The following LINGO2 variants were observed in gnomAD, a reference collection of about 807,000 sequenced individuals.
LINGO2 encodes the protein leucine rich repeat and Ig domain containing 2, also known as leucine-rich repeat and immunoglobulin-like domain-containing nogo receptor-interacting protein 2.
A neutral mutation model predicts 30.6 loss-of-function variants in LINGO2; 14 were observed. The observed-to-expected ratio is 0.46, with a 90% CI of 0.30 to 0.72. The LOEUF (loss-of-function observed/expected upper bound fraction) is 0.72. LINGO2 is among the 30% of genes least tolerant of loss of function. LINGO2 has a pLI of 0.07. For missense variants in LINGO2, 729 were observed against 751.7 expected (o/e 0.97, Z 0.35); for synonymous variants, 317 against 288.5 (o/e 1.10, Z -1.00).
the LINGO2 span, among the ~76,000 whole-genome samples, chr9:28,918,010 C>G: frequency 6.6e-6 from 1 of 151,992 alleles, no homozygotes; most frequent in African/African-American, 2.4e-5. Flanking sequence ...CTAACAGATC[C>G]CTAAGGTATA....
At chr9:28,746,772 T>C in the LINGO2 span, among the ~76,000 whole-genome samples, 1 of 152,094 alleles carries the variant, frequency 6.6e-6, no homozygotes, top group Non-Finnish European at 1.5e-5. Flanking sequence ...TGTGTGATTT[T>C]TATGACAGTG....
intron 2 of LINGO2, among the ~76,000 whole-genome samples, chr9:28,468,922 T>C (rs1471028300): frequency 6.6e-6 from 1 of 151,932 alleles, no homozygotes; most frequent in Non-Finnish European, 1.5e-5. Context: ...GGTAATACGG[T>C]CCATCAAAAG....
At chr9:28,595,584 T>C (rs1233564104) in intron 1 of LINGO2, among the ~76,000 whole-genome samples, 1 of 152,130 alleles carries the variant, frequency 6.6e-6, no homozygotes, top group African/African-American at 2.4e-5. Flanking sequence ...ATTATACCAA[T>C]AGTGAGTGTA....
At chr9:28,151,173 A>G (rs997545635) in intron 4 of LINGO2, among the ~76,000 whole-genome samples, 2 of 152,202 alleles carry the variant, frequency 1.3e-5, no homozygotes, top group African/African-American at 2.4e-5. Flanking sequence ...TGCAATAATA[A>G]CATATTATGA....
intron 3 of LINGO2, among the ~76,000 whole-genome samples, chr9:28,298,071 T>C (rs887977978): frequency 6.6e-6 from 1 of 152,176 alleles, no homozygotes; most frequent in Non-Finnish European, 1.5e-5. Flanking sequence ...TTCCATGACA[T>C]TGGTTTGAAA....
the LINGO2 span, among the ~76,000 whole-genome samples, chr9:29,056,917 T>G: frequency 6.6e-6 from 1 of 152,166 alleles, no homozygotes; most frequent in African/African-American, 2.4e-5. Context: ...GCTTTATTTC[T>G]GGGTTCTCTA....
At chr9:28,198,688 G>T (rs896247724) in intron 4 of LINGO2, among the ~76,000 whole-genome samples, 4 of 151,822 alleles carry the variant, frequency 2.6e-5, no homozygotes, top group East Asian at 1.9e-4. Context: ...TCTCATTTTT[G>T]AAGAAAACAG....
the LINGO2 span, among the ~76,000 whole-genome samples, chr9:28,949,539 AC>A: frequency 6.6e-6 from 1 of 152,032 alleles, no homozygotes; most frequent in Non-Finnish European, 1.5e-5. Flanking sequence ...GAACACATAC[AC>A]CCTCCCAAGA....
At chr9:28,762,730 G>A in the LINGO2 span, among the ~76,000 whole-genome samples, 3 of 151,922 alleles carry the variant, frequency 2.0e-5, no homozygotes, top group Non-Finnish European at 4.4e-5. Flanking sequence ...ACTTCAGATG[G>A]TTCTTTAGGA....
At chr9:28,104,232 G>A (rs1232944962) in intron 4 of LINGO2, among the ~76,000 whole-genome samples, 1 of 135,870 alleles carries the variant, frequency 7.4e-6, no homozygotes, top group African/African-American at 2.6e-5. Flanking sequence ...TAAGGAGTAG[G>A]GATTTGCTTT....
At chr9:29,119,075 T>G in the LINGO2 span, among the ~76,000 whole-genome samples, 1 of 152,136 alleles carries the variant, frequency 6.6e-6, no homozygotes, top group Non-Finnish European at 1.5e-5. Flanking sequence ...TGAAGCAACC[T>G]GTGACCTAGT....
chr9:28,890,934 T>C, the LINGO2 span, among the ~76,000 whole-genome samples: 1 of 152,058 alleles, frequency 6.6e-6, no homozygotes, highest in Non-Finnish European at 1.5e-5. Context: ...AAATAAATAA[T>C]CAGCAACTCA....
At chr9:29,076,124 C>A in the LINGO2 span, among the ~76,000 whole-genome samples, 1 of 151,786 alleles carries the variant, frequency 6.6e-6, no homozygotes, top group Admixed American at 6.6e-5. Context: ...GTGGTCATCC[C>A]GCCTTGATCT....
chr9:28,835,078 C>G, the LINGO2 span, among the ~76,000 whole-genome samples: 1 of 152,122 alleles, frequency 6.6e-6, no homozygotes, highest in African/African-American at 2.4e-5. Context: ...GGGCTTAGAC[C>G]TGCTCTCCAT....
rs2135997521 is a variant in LINGO2 at position 28,657,635 on chromosome 9, CT to C, written c.-365+12564del. Among the ~76,000 whole-genome samples, 2 of 151,944 alleles carry C rather than the reference CT, an allele frequency of 1.3e-5. 1 individual carries two copies. Among genetic ancestry groups the C allele is most frequent in the East Asian group, 3.9e-4 (2 of 5,172 alleles). On this transcript the variant is annotated intron_variant, in intron 1 of 5. Transcript: ENST00000379992. ...TATTTCTAATTTTAGTTATTTGAAT[CT>C]TCTTTTCTTCCCTTAGTTTGTTTAG...
At chr9:28,059,971 G>A (rs1180007789) in intron 4 of LINGO2, among the ~76,000 whole-genome samples, 1 of 152,024 alleles carries the variant, frequency 6.6e-6, no homozygotes, top group African/African-American at 2.4e-5. Flanking sequence ...CTTACCATCT[G>A]TGACTATCAA....
the LINGO2 span, among the ~76,000 whole-genome samples, chr9:29,155,633 A>C: frequency 6.6e-6 from 1 of 151,936 alleles, no homozygotes; most frequent in Non-Finnish European, 1.5e-5. Context: ...CCTCTAAAAG[A>C]AACATTTAAT....
chr9:28,253,355 A>G (rs1415169842), intron 4 of LINGO2, among the ~76,000 whole-genome samples: 2 of 152,168 alleles, frequency 1.3e-5, no homozygotes, highest in African/African-American at 4.8e-5. Flanking sequence ...CACAAAAGAA[A>G]TGGAAGGCAT....
intron 1 of LINGO2, among the ~76,000 whole-genome samples, chr9:28,555,147 A>G (rs1822575430): frequency 7.6e-6 from 1 of 132,202 alleles, no homozygotes; most frequent in Non-Finnish European, 1.6e-5. Context: ...AACTAAAATC[A>G]GAGCAGAACT....
Sources: gnomAD v4.1 joint callset for allele counts (sites outside exome capture counted in the v4.1 genomes callset) on GRCh38, gnomAD v4.1.1 for gene constraint, MANE v1.5 for transcripts, NCBI Gene and HGNC (gene_info 2026-07-23, HGNC 2026-07-21) for gene names.